Variants in VIPR2 observed in about 807,000 individuals in gnomAD.
The protein encoded by VIPR2 is vasoactive intestinal peptide receptor 2.
Under a neutral mutation model 58.0 loss-of-function variants are expected in VIPR2, and 48 were observed. The observed-to-expected ratio is 0.83, with a 90% CI of 0.66 to 1.05. VIPR2 has a LOEUF of 1.05. Ranked by LOEUF, VIPR2 falls within the 50% of genes least tolerant of loss-of-function variation. The pLI, the probability that VIPR2 is intolerant of heterozygous loss-of-function variation, is 0.00. For synonymous variants in VIPR2, 243 were observed against 235.2 expected, an observed-to-expected ratio of 1.03 and a Z score of -0.30; for missense variants, 534 against 558.0, an observed-to-expected ratio of 0.96 and a Z score of 0.43.
intron 4 of VIPR2, among the ~76,000 whole-genome samples, chr7:159,069,088 C>G (rs1856249279): frequency 6.6e-6 from 1 of 152,184 alleles, no homozygotes; most frequent in Admixed American, 6.5e-5. Context: ...CAGCCTTAAT[C>G]TGCAGGTACT....
intron 5 of VIPR2, among the ~76,000 whole-genome samples, chr7:159,051,299 G>A (rs1854988684): frequency 6.6e-6 from 1 of 152,178 alleles, no homozygotes; most frequent in Non-Finnish European, 1.5e-5. Flanking sequence ...GAGCTAAAAT[G>A]TTGCAAAACT....
At chr7:159,132,594 C>T (rs557337723) in intron 2 of VIPR2, among the ~76,000 whole-genome samples, 14 of 152,370 alleles carry the variant, frequency 9.2e-5, no homozygotes, top group South Asian at 2.1e-4. Context: ...ACCCAGAGCC[C>T]GTGCCTTTCT....
At chr7:159,092,030 T>G (rs1182688082) in intron 4 of VIPR2, among the ~76,000 whole-genome samples, 1 of 152,210 alleles carries the variant, frequency 6.6e-6, no homozygotes, top group East Asian at 1.9e-4. Flanking sequence ...AGGCGGAGGT[T>G]GCAGTGAGCC....
At chr7:159,101,553 CTG>C (rs1322889575) in intron 4 of VIPR2, among the ~76,000 whole-genome samples, 3 of 113,546 alleles carry the variant, frequency 2.6e-5, no homozygotes, top group East Asian at 6.0e-4. Context: ...GTTCCCCTGA[CTG>C]TTCCTGTGGT....
rs137895304 is a variant in VIPR2, at chr7:159,055,463, C to CA, written c.455+3017dup. On this transcript the variant is annotated intron_variant, in intron 5 of 12. Coordinates refer to ENST00000262178, the MANE Select transcript of VIPR2 (RefSeq NM_003382.5). ...AACACTGCCACAGAGCCTTGGTAAG[C>CA]AAAGAATTGTAAATATGCTCTGAAT... Among the ~76,000 whole-genome samples, 160 of 152,052 alleles carry CA rather than the reference C, an allele frequency of 1.1e-3. 2 individuals are homozygous for CA. The East Asian group carries it at 0.029, about 28-fold the overall frequency.
chr7:159,032,432 A>G (rs1306062156), intron 10 of VIPR2, among the ~76,000 whole-genome samples: 2 of 152,318 alleles, frequency 1.3e-5, no homozygotes, highest in African/African-American at 4.8e-5. Flanking sequence ...TGAGGCAGGC[A>G]TGGGACAAGA....
At chr7:159,049,928 A>T (rs62485828) in intron 5 of VIPR2, among the ~76,000 whole-genome samples, 5,811 of 152,324 alleles carry the variant, frequency 0.038, 169 homozygotes, top group Middle Eastern at 0.068. Flanking sequence ...AAAAATTCAA[A>T]TCCTCTGCAG....
intron 4 of VIPR2, among the ~76,000 whole-genome samples, chr7:159,070,695 G>T (rs971422308): frequency 3.3e-5 from 5 of 152,204 alleles, no homozygotes; most frequent in Admixed American, 2.0e-4. Context: ...AAAGTGAGAT[G>T]AATATGAATT....
At position 159,099,060 on chromosome 7, in the gene VIPR2, G is replaced by A. The variant is rs543154509; in HGVS notation, c.357+4697C>T. Among the ~76,000 whole-genome samples, 1 of 152,248 alleles carries A rather than the reference G, an allele frequency of 6.6e-6. No individual in the cohort carries two copies. Among genetic ancestry groups the A allele is most frequent in the Admixed American group, 6.5e-5 (1 of 15,288 alleles). On this transcript the variant is annotated intron_variant, in intron 4 of 12. Coordinates refer to ENST00000262178, the MANE Select transcript of VIPR2 (RefSeq NM_003382.5). This position sits in a 1 kb window ranked among gnomAD's most constrained non-coding sequence, Gnocchi z 4.2. ...CGCCTGTGCTATGTGCTGTTGCTTC[G>A]TCTTGGAAGCGAGTCCCTAAACCAA...
chr7:159,117,420 G>A lies in VIPR2; in HGVS notation c.152-7501C>T, dbSNP rs565943759. On this transcript the variant is annotated intron_variant, in intron 2 of 12. Coordinates refer to ENST00000262178, the MANE Select transcript of VIPR2 (RefSeq NM_003382.5). ...CCTTTGTATGGCCTGTGAACAGACA[G>A]GATAACAGTGAGCACATGAAACATA... 240 of 717,448 alleles carry A rather than the reference G, an allele frequency of 3.3e-4. No individual in the cohort carries two copies. The African/African-American group carries it at 3.7e-3, about 11-fold the overall frequency. 44.4% of individuals were successfully genotyped at this position (717,448 alleles called of 1,614,324 possible).
intron 8 of VIPR2, 51 bp from the exon 9 acceptor site, chr7:159,034,701 C>G: frequency 6.5e-7 from 1 of 1,542,302 alleles, no homozygotes; most frequent in Non-Finnish European, 9.0e-7. Flanking sequence ...TTTCGCAAGA[C>G]AGGTACAGAA....
intron 3 of VIPR2, among the ~76,000 whole-genome samples, chr7:159,106,496 A>G (rs1585511802): frequency 9.4e-6 from 1 of 106,762 alleles, no homozygotes; most frequent in African/African-American, 3.9e-5. Flanking sequence ...GAGGCCGGGG[A>G]GGGGCAGAGA....
At chr7:159,043,290 A>C in intron 5 of VIPR2, 114 bp from the exon 6 acceptor site, 1 of 970,648 alleles carries the variant, frequency 1.0e-6, no homozygotes. Context: ...AGAAAAATAA[A>C]AGAGTTGAGG....
At chr7:159,047,971 A>G (rs1645759492) in intron 5 of VIPR2, among the ~76,000 whole-genome samples, 1 of 152,240 alleles carries the variant, frequency 6.6e-6, no homozygotes, top group Non-Finnish European at 1.5e-5. Context: ...CCTTGAAGAA[A>G]GGAGAGCTTA....
chr7:159,133,412 C>T (rs1797067034), intron 2 of VIPR2, among the ~76,000 whole-genome samples: 1 of 152,276 alleles, frequency 6.6e-6, no homozygotes, highest in Admixed American at 6.5e-5. Context: ...CTTTAAAATG[C>T]AGGCATCTGG....
intron 4 of VIPR2, among the ~76,000 whole-genome samples, chr7:159,069,493 C>T (rs1856271011): frequency 6.6e-6 from 1 of 152,180 alleles, no homozygotes; most frequent in South Asian, 2.1e-4. Flanking sequence ...CAGTTATTTC[C>T]TTTTATTCAC....
chr7:159,107,688 C>T (rs1204597180), intron 3 of VIPR2, among the ~76,000 whole-genome samples: 1 of 151,782 alleles, frequency 6.6e-6, no homozygotes, highest in Non-Finnish European at 1.5e-5. Flanking sequence ...CCCGCTGCTT[C>T]TGGAACTGCT....
intron 4 of VIPR2, among the ~76,000 whole-genome samples, chr7:159,067,277 C>T (rs551462969): frequency 1.2e-4 from 18 of 152,368 alleles, no homozygotes; most frequent in South Asian, 4.1e-4. Flanking sequence ...GGCAGCCAAA[C>T]GGATGCTCTG....
At chr7:159,092,975 A>C (rs1336038368) in intron 4 of VIPR2, among the ~76,000 whole-genome samples, 1 of 152,118 alleles carries the variant, frequency 6.6e-6, no homozygotes, top group Non-Finnish European at 1.5e-5. Context: ...TTACCCACAC[A>C]CGCATGTGAG....
Sources: gnomAD v4.1 joint callset for allele counts (sites outside exome capture counted in the v4.1 genomes callset) on GRCh38, gnomAD v4.1.1 for gene constraint, Gnocchi (gnomAD v3.1) non-coding constraint, MANE v1.5 for transcripts, NCBI Gene and HGNC (gene_info 2026-07-23, HGNC 2026-07-21) for gene names.